TMED5: variants seen among roughly 807,000 people sequenced by gnomAD.
TMED5 encodes the protein transmembrane emp24 domain-containing protein 5.
A neutral mutation model predicts 23.0 loss-of-function variants in TMED5; 27 were observed. The ratio of observed to expected loss-of-function variants is 1.17; its 90% CI spans 0.86 to 1.62. The LOEUF (loss-of-function observed/expected upper bound fraction) is 1.62, where lower values mean the gene tolerates loss of function less well. TMED5 is among the 40% of genes most tolerant of loss of function. The pLI, the probability that TMED5 is intolerant of heterozygous loss-of-function variation, is 0.00. For missense variants in TMED5, 248 were observed against 273.7 expected, an observed-to-expected ratio of 0.91 and a Z score of 0.66; for synonymous variants, 97 against 100.8, an observed-to-expected ratio of 0.96 and a Z score of 0.23.
At chr1:93,156,036 C>G (rs925888398) in intron 3 of TMED5, 1 of 1,437,820 alleles carries the variant, frequency 7.0e-7, no homozygotes, top group Non-Finnish European at 9.2e-7. Context: ...ACAAACTTAC[C>G]AAGATGCAGT....
At chr1:93,167,725 C>T (rs1016458363) in intron 1 of TMED5, among the ~76,000 whole-genome samples, 77 of 152,242 alleles carry the variant, frequency 5.1e-4, no homozygotes, top group Middle Eastern at 3.4e-3. Flanking sequence ...TTCTTCCTTT[C>T]CAAATTGGAT....
intron 1 of TMED5, among the ~76,000 whole-genome samples, chr1:93,172,146 T>C (rs1648752036): frequency 2.6e-5 from 4 of 151,972 alleles, no homozygotes. Context: ...CTCACTAAAA[T>C]CAGAAACAAG....
intron 1 of TMED5, among the ~76,000 whole-genome samples, chr1:93,163,859 T>G (rs887283968): frequency 6.6e-6 from 1 of 151,336 alleles, no homozygotes; most frequent in African/African-American, 2.4e-5. Context: ...GATGCACGCC[T>G]GTAATCTCAG....
At chr1:93,174,820 C>T (rs1167581785) in intron 1 of TMED5, among the ~76,000 whole-genome samples, 3 of 152,094 alleles carry the variant, frequency 2.0e-5, no homozygotes, top group Non-Finnish European at 2.9e-5. Context: ...AAGACATGAT[C>T]TCATTCTTTT....
At chr1:93,162,134 CTT>C (rs967645917) in intron 1 of TMED5, 5 of 150,840 alleles carry the variant, frequency 3.3e-5, no homozygotes, top group Non-Finnish European at 7.4e-5. Flanking sequence ...AATGGCTACT[CTT>C]TTTCTTAACA....
At position 93,156,338 on chromosome 1, in the gene TMED5, C is replaced by G. The variant is rs766170595; in HGVS notation, c.433G>C (p.Gly145Arg). 5.6e-6 allele frequency: 9 copies of G among 1,613,860 alleles called. 1 individual carries two copies. In the South Asian group the frequency reaches 9.9e-5, roughly 18 times the overall value. Residue 145 changes from glycine to arginine, a missense_variant, in exon 3 of 4, where the codon GGC becomes CGC. Gly to Arg is a moderately radical substitution (Grantham distance 125). Transcript: ENST00000370282. ...EQEDWKKYIT[G>R]TDILDMKLED... ...AGTTTCATATCCAATATATCTGTGC[C>G]AGTAATATATTTCTTCCAATCTTCT...
rs1480024856 is a variant in TMED5, at chr1:93,151,610, T to C, written c.*3060A>G. The C allele has an allele frequency of 1.3e-5, 2 of 152,208 alleles. No homozygotes were observed. The highest frequency in any genetic ancestry group is 2.9e-5 in the Non-Finnish European group (2 of 68,048). The allele number at this position is 152,208 out of a possible 1,614,324, so 9.4% of individuals were successfully genotyped here. On this transcript the variant is annotated 3_prime_UTR_variant, in exon 4 of 4. Coordinates refer to ENST00000370282, the MANE Select transcript of TMED5 (RefSeq NM_016040.5). ...AGCATACCAAACTTTAAGAACTGAT[T>C]ATCTTTCCTTTCATATATTTTGAGC...
intron 1 of TMED5, among the ~76,000 whole-genome samples, chr1:93,177,856 G>A (rs1648973293): frequency 6.6e-6 from 1 of 152,056 alleles, no homozygotes; most frequent in Non-Finnish European, 1.5e-5. Context: ...CAAGTGAGAA[G>A]ATCACATAAG....
intron 1 of TMED5, among the ~76,000 whole-genome samples, chr1:93,165,393 A>G (rs1417000356): frequency 6.6e-6 from 1 of 152,236 alleles, no homozygotes; most frequent in Admixed American, 6.5e-5. Context: ...TAATAGCAAC[A>G]ATGTATTCAG....
intron 1 of TMED5, among the ~76,000 whole-genome samples, chr1:93,165,940 C>T (rs1303703920): frequency 6.6e-6 from 1 of 152,158 alleles, no homozygotes; most frequent in Non-Finnish European, 1.5e-5. Context: ...CTTTGTTAAC[C>T]ATCCTTCTAC....
intron 1 of TMED5, 101 bp downstream of exon 1, chr1:93,179,953 C>T: frequency 7.6e-7 from 1 of 1,310,666 alleles, no homozygotes; most frequent in Non-Finnish European, 1.0e-6. Context: ...CTCGCCTCTT[C>T]ACCACCAGGG....
chr1:93,162,906 CA>C (rs1246168571), intron 1 of TMED5: 3 of 151,916 alleles, frequency 2.0e-5, no homozygotes, highest in Non-Finnish European at 4.4e-5. Context: ...GACATGAAAG[CA>C]AAAATAAAGC....
rs776819953 is a variant in TMED5 at position 93,180,125 on chromosome 1, G to C, written c.118C>G (p.Leu40Val). 3 of 1,613,726 alleles carry C rather than the reference G, an allele frequency of 1.9e-6. No homozygotes were observed. The South Asian group carries it at 3.3e-5, about 18-fold the overall frequency. The change falls in exon 1 of 4, where the codon CTT (leucine) becomes GTT (valine). Residue 40 changes from leucine (L) to valine (V), a missense_variant. Transcript: ENST00000370282. ...PSLDSDFTFT[L>V]PAGQKECFYQ... The stretch of plus-strand genomic sequence containing the variant: ...AAGCACTCCTTCTGGCCGGCGGGAA[G>C]GGTAAAGGTGAAGTCGCTATCGAGG...
In TMED5 at chr1:93,152,434, C is replaced by T. The variant is rs1030021471; in HGVS notation, c.*2236G>A. On this transcript the variant is annotated 3_prime_UTR_variant, in exon 4 of 4. Transcript: ENST00000370282. ...TCTTTAGAAATATTAAAGATTTTTA[C>T]TCTGTTTACAAGTTTTGCTTTTTTG... is the stretch of plus-strand genomic sequence containing the variant. 2.0e-5 allele frequency: 3 copies of T among 152,078 alleles called. No homozygotes were observed. Among genetic ancestry groups the T allele is most frequent in the East Asian group, 3.8e-4 (2 of 5,204 alleles). 9.4% of individuals were successfully genotyped at this position (152,078 alleles called of 1,614,324 possible). A position where few individuals can be genotyped will look rare whatever the true frequency, so the allele number is the denominator to read the frequency against.
At chr1:93,168,092 T>C (rs1424543396) in intron 1 of TMED5, among the ~76,000 whole-genome samples, 1 of 152,172 alleles carries the variant, frequency 6.6e-6, no homozygotes, top group African/African-American at 2.4e-5. Flanking sequence ...GAACCATCCT[T>C]GCATCCCAGG....
intron 2 of TMED5, chr1:93,158,749 G>A (rs750341938): frequency 1.2e-5 from 2 of 164,618 alleles, no homozygotes; most frequent in Non-Finnish European, 2.5e-5. Context: ...TGTATTTTTA[G>A]TAGAGACAAG....
At chr1:93,157,996 C>T (rs1287223067) in intron 2 of TMED5, among the ~76,000 whole-genome samples, 6 of 151,816 alleles carry the variant, frequency 4.0e-5, no homozygotes, top group African/African-American at 9.7e-5. Context: ...TGGTGGCGGG[C>T]GCCTGTAGTC....
chr1:93,180,254 C>A lies in TMED5; in HGVS notation c.-12G>T. ...ATCTTGTCGCCCATCCCTGCTGGGG[C>A]GATCCCGGGCTGAAAGAGGCGTCAG... On this transcript the variant is annotated 5_prime_UTR_variant, in exon 1 of 4. Transcript: ENST00000370282. 1 of 1,598,628 alleles carries A rather than the reference C, an allele frequency of 6.3e-7. No homozygotes were observed. Among genetic ancestry groups the A allele is most frequent in the African/African-American group, 1.4e-5 (1 of 73,838 alleles).
At chr1:93,177,044 A>T (rs564929051) in intron 1 of TMED5, among the ~76,000 whole-genome samples, 1 of 152,262 alleles carries the variant, frequency 6.6e-6, no homozygotes, top group Non-Finnish European at 1.5e-5. Context: ...GTAAGAAATT[A>T]GTAAAATTTT....
Sources: gnomAD v4.1 joint callset for allele counts (sites outside exome capture counted in the v4.1 genomes callset) on GRCh38, gnomAD v4.1.1 for gene constraint, MANE v1.5 for transcripts, NCBI Gene and HGNC (gene_info 2026-07-23, HGNC 2026-07-21) for gene names.